The following PLPP4 variants were observed in gnomAD, a reference collection of about 807,000 sequenced individuals.
The protein encoded by PLPP4 is phospholipid phosphatase 4, also known as diacylglycerol pyrophosphate like 2.
Under a neutral mutation model 32.2 loss-of-function variants are expected in PLPP4, and 20 were observed. The ratio of observed to expected loss-of-function variants is 0.62; its 90% CI spans 0.44 to 0.90. The LOEUF (loss-of-function observed/expected upper bound fraction) is 0.90, where lower values mean the gene tolerates loss of function less well. PLPP4 is among the 40% of genes least tolerant of loss of function. PLPP4 has a pLI of 0.00. For synonymous variants in PLPP4, 127 were observed against 133.0 expected, an observed-to-expected ratio of 0.95 and a Z score of 0.31; for missense variants, 257 against 353.1, an observed-to-expected ratio of 0.73 and a Z score of 2.18.
intron 1 of PLPP4, among the ~76,000 whole-genome samples, chr10:120,459,449 A>G (rs919326698): frequency 1.3e-5 from 2 of 152,224 alleles, no homozygotes; most frequent in African/African-American, 4.8e-5. Context: ...GAGCATGCAG[A>G]AACAGATGAC....
chr10:120,526,686 C>T (rs963750206), intron 5 of PLPP4, among the ~76,000 whole-genome samples: 25 of 152,204 alleles, frequency 1.6e-4, no homozygotes, highest in Non-Finnish European at 2.8e-4. Context: ...ATAGTTAAAA[C>T]TTCTGTCTTC....
In PLPP4 at chr10:120,527,266, TG is replaced by T. The variant is rs552770334; in HGVS notation, c.445+6172del. Among the ~76,000 whole-genome samples, 174 of 152,266 alleles carry T rather than the reference TG, an allele frequency of 1.1e-3. 1 individual carries two copies. The highest frequency in any genetic ancestry group is 4.1e-3 in the African/African-American group (171 of 41,564). On this transcript the variant is annotated intron_variant, in intron 5 of 6. Coordinates refer to ENST00000398250, the MANE Select transcript of PLPP4 (RefSeq NM_001030059.3). The stretch of plus-strand genomic sequence containing the variant: ...GCAGGCTGGAAATTCAGGTAAGAAT[TG>T]ATGTTACATTGTTGACCCCCCAAAT...
chr10:120,530,560 G>A (rs1171477660), intron 5 of PLPP4, among the ~76,000 whole-genome samples: 1 of 152,078 alleles, frequency 6.6e-6, no homozygotes. Context: ...TCTTATCTTT[G>A]CTAAACATTT....
chr10:120,484,437 G>T (rs903871141), intron 1 of PLPP4, among the ~76,000 whole-genome samples: 2 of 152,200 alleles, frequency 1.3e-5, no homozygotes, highest in Non-Finnish European at 2.9e-5. Flanking sequence ...AGCATCTGGT[G>T]AGGGCCTTCC....
chr10:120,580,688 G>T (rs1338847035), intron 6 of PLPP4, among the ~76,000 whole-genome samples: 1 of 105,832 alleles, frequency 9.4e-6, no homozygotes, highest in African/African-American at 3.2e-5. Flanking sequence ...CACGGCTGAG[G>T]GACATACACT....
intron 1 of PLPP4, among the ~76,000 whole-genome samples, chr10:120,478,652 G>A (rs1038428995): frequency 1.3e-5 from 2 of 152,144 alleles, no homozygotes; most frequent in Admixed American, 6.5e-5. Flanking sequence ...TACACAAGAG[G>A]TATGTCTCAT....
intron 6 of PLPP4, among the ~76,000 whole-genome samples, chr10:120,577,766 T>C (rs1849288071): frequency 6.6e-6 from 1 of 152,206 alleles, no homozygotes; most frequent in Non-Finnish European, 1.5e-5. Context: ...TCTGCCATTA[T>C]GTGTTCAACT....
At chr10:120,536,783 A>G (rs1589839427) in intron 5 of PLPP4, among the ~76,000 whole-genome samples, 1 of 152,142 alleles carries the variant, frequency 6.6e-6, no homozygotes, top group South Asian at 2.1e-4. Context: ...ATGGGAGGCA[A>G]TACTTGCAAA....
chr10:120,476,111 G>A (rs1843893594), intron 1 of PLPP4, among the ~76,000 whole-genome samples: 1 of 152,202 alleles, frequency 6.6e-6, no homozygotes, highest in African/African-American at 2.4e-5. Flanking sequence ...CTGGGCTGCA[G>A]TGGAGCTGGG....
intron 1 of PLPP4, among the ~76,000 whole-genome samples, chr10:120,487,404 T>C (rs1049728148): frequency 6.6e-5 from 10 of 152,260 alleles, no homozygotes; most frequent in Admixed American, 1.3e-4. Context: ...TTCTGATTGG[T>C]AACATTGTCA....
chr10:120,464,017 C>A (rs1204318673), intron 1 of PLPP4, among the ~76,000 whole-genome samples: 1 of 152,134 alleles, frequency 6.6e-6, no homozygotes, highest in Non-Finnish European at 1.5e-5. Flanking sequence ...ATTGCCTATG[C>A]TGGTCTTGAA....
chr10:120,555,146 T>C (rs184583121), intron 5 of PLPP4, among the ~76,000 whole-genome samples: 2 of 152,104 alleles, frequency 1.3e-5, no homozygotes, highest in African/African-American at 4.8e-5. Context: ...AAACTAAAAA[T>C]ACTGAAACCA....
intron 3 of PLPP4, among the ~76,000 whole-genome samples, chr10:120,517,337 T>A (rs1281109542): frequency 5.3e-5 from 8 of 152,192 alleles, no homozygotes; most frequent in Non-Finnish European, 1.2e-4. Flanking sequence ...GTGGAGAGAA[T>A]ATGGCAAAGA....
chr10:120,501,186 T>C (rs994458529), intron 1 of PLPP4, among the ~76,000 whole-genome samples: 71 of 152,296 alleles, frequency 4.7e-4, no homozygotes, highest in African/African-American at 1.6e-3. Flanking sequence ...ATGAGCAAAA[T>C]AAAATGTTTT....
At chr10:120,577,428 G>A (rs1022128310) in intron 6 of PLPP4, among the ~76,000 whole-genome samples, 1 of 152,186 alleles carries the variant, frequency 6.6e-6, no homozygotes, top group Admixed American at 6.5e-5. Flanking sequence ...GTGTAACATG[G>A]CCAGAGTAAA....
intron 2 of PLPP4, among the ~76,000 whole-genome samples, chr10:120,513,419 G>A (rs1005684436): frequency 6.6e-6 from 1 of 152,190 alleles, no homozygotes; most frequent in Non-Finnish European, 1.5e-5. Flanking sequence ...AGGAAGAGTA[G>A]AGTCTTTAAA....
intron 2 of PLPP4, among the ~76,000 whole-genome samples, chr10:120,512,746 G>A (rs867994766): frequency 1.9e-4 from 29 of 152,306 alleles, no homozygotes; most frequent in Middle Eastern, 3.4e-3. Flanking sequence ...CCGGGAGGTG[G>A]AGGTTGCAGT....
chr10:120,512,568 A>G (rs1183744587), intron 2 of PLPP4, among the ~76,000 whole-genome samples: 1 of 152,212 alleles, frequency 6.6e-6, no homozygotes, highest in Non-Finnish European at 1.5e-5. Context: ...GGTGTGGAGC[A>G]TCTAAGCCTG....
At chr10:120,568,772 T>C (rs1289060571) in intron 5 of PLPP4, among the ~76,000 whole-genome samples, 1 of 152,212 alleles carries the variant, frequency 6.6e-6, no homozygotes, top group Non-Finnish European at 1.5e-5. Flanking sequence ...ATCCTGGGGA[T>C]TTAGACCTTC....
Sources: gnomAD v4.1 joint callset for allele counts (sites outside exome capture counted in the v4.1 genomes callset) on GRCh38, gnomAD v4.1.1 for gene constraint, MANE v1.5 for transcripts, NCBI Gene and HGNC (gene_info 2026-07-23, HGNC 2026-07-21) for gene names.